TMEM106C: variants seen among roughly 807,000 people sequenced by gnomAD.
The protein encoded by TMEM106C is transmembrane protein 106C, also known as endoplasmic reticulum membrane protein overexpressed in cancer.
Under a neutral mutation model 30.8 loss-of-function variants are expected in TMEM106C, and 27 were observed. The observed-to-expected ratio is 0.88, with a 90% confidence interval of 0.65 to 1.21. The LOEUF (loss-of-function observed/expected upper bound fraction) is 1.21, where lower values mean the gene tolerates loss of function less well. TMEM106C is among the 50% of genes most tolerant of loss of function. The pLI is 0.00. For missense variants in TMEM106C, 288 were observed against 307.8 expected (o/e 0.94, Z 0.48); for synonymous variants, 123 against 118.8 (o/e 1.04, Z -0.23).
rs1565658805 is a variant in TMEM106C at position 47,966,672 on chromosome 12, C to G, written c.553-11C>G. 1 of 1,614,164 alleles carries G rather than the reference C, an allele frequency of 6.2e-7. No homozygotes were observed. The highest frequency in any genetic ancestry group is 1.7e-5 in the Admixed American group (1 of 60,024). ...CTTGGCCACAGACCAACTCTGGTAT[C>G]TTATTTTCAGGTGAATTTTACCGGG... On this transcript the variant is annotated splice_polypyrimidine_tract_variant and intron_variant, in intron 5 of 7. Transcript: ENST00000429772.
chr12:47,967,366 G>A, intron 7 of TMEM106C, 105 bp downstream of exon 7: 1 of 1,144,740 alleles, frequency 8.7e-7, no homozygotes, highest in Non-Finnish European at 1.3e-6. Flanking sequence ...CCTAGCCCGA[G>A]GGGACACCCT....
chr12:47,967,183 T>A, intron 6 of TMEM106C, 25 bp from the exon 7 acceptor site: 1 of 1,607,382 alleles, frequency 6.2e-7, no homozygotes, highest in African/African-American at 1.4e-5. Context: ...AAAAACTGAC[T>A]ATTTCCATAT....
intron 1 of TMEM106C, 124 bp downstream of exon 1, chr12:47,963,828 G>T (rs765619034): frequency 1.1e-3 from 283 of 258,548 alleles, no homozygotes; most frequent in Non-Finnish European, 1.8e-3. Context: ...AATGGGAATC[G>T]TTAAGGCCGG....
In TMEM106C at chr12:47,967,190, A is replaced by G. The variant is rs747574882; in HGVS notation, c.603-18A>G. The G allele has an allele frequency of 3.1e-5, 50 of 1,611,788 alleles. 1 individual carries two copies. In the South Asian group the frequency reaches 3.9e-4, roughly 12 times the overall value. On this transcript the variant is annotated intron_variant, in intron 6 of 7. Coordinates refer to ENST00000429772, the MANE Select transcript of TMEM106C (RefSeq NM_001143842.2). The stretch of plus-strand genomic sequence containing the variant: ...AAAAAAAAAAAAACTGACTATTTCC[A>G]TATTTGCTGTTTGGTAGCTTCTTCT...
chr12:47,964,536 C>A, intron 2 of TMEM106C, 113 bp downstream of exon 2: 1 of 977,954 alleles, frequency 1.0e-6, no homozygotes, highest in Non-Finnish European at 1.6e-6. Context: ...AGACAGTGCC[C>A]TGGACAGGAG....
intron 6 of TMEM106C, 149 bp downstream of exon 6, chr12:47,966,881 G>A (rs1938244943): frequency 2.6e-6 from 2 of 757,032 alleles, no homozygotes; most frequent in Non-Finnish European, 4.5e-6. Context: ...TTTATTTGAA[G>A]AATGTATTAT....
At chr12:47,966,891 T>G in intron 6 of TMEM106C, 159 bp downstream of exon 6, 1 of 705,674 alleles carries the variant, frequency 1.4e-6, no homozygotes, top group South Asian at 1.8e-5. Flanking sequence ...GAATGTATTA[T>G]TATTATGTGT....
At chr12:47,965,538 G>A (rs1938192503) in intron 3 of TMEM106C, 193 bp downstream of exon 3, 1 of 654,674 alleles carries the variant, frequency 1.5e-6, no homozygotes, top group Non-Finnish European at 2.6e-6. Context: ...AGCTGGAAAT[G>A]CTTTGAAGGT....
At chr12:47,965,579 G>A (rs1938193293) in intron 3 of TMEM106C, 1 of 651,660 alleles carries the variant, frequency 1.5e-6, no homozygotes, top group African/African-American at 1.8e-5. Context: ...AACTGGGAAA[G>A]TGGAGTGTTC....
intron 6 of TMEM106C, 45 bp from the exon 7 acceptor site, chr12:47,967,163 T>TAAAA (rs764460669): frequency 6.5e-7 from 1 of 1,534,330 alleles, no homozygotes; most frequent in Non-Finnish European, 8.9e-7. Flanking sequence ...TACTGAGGCT[T>TAAAA]TAAAAAAAAA....
Position 47,966,013 on chromosome 12 carries a change from T to G in TMEM106C, c.411+16T>G. ...CACCATCATGGTAAGCCTTAGGGTT[T>G]CATTCCCTGGGTTGTGCACCTGCCA... On this transcript the variant is annotated intron_variant, in intron 4 of 7. Coordinates refer to ENST00000429772, the MANE Select transcript of TMEM106C (RefSeq NM_001143842.2). 6.2e-7 allele frequency: 1 copy of G among 1,614,190 alleles called. No homozygotes were observed. The highest frequency in any genetic ancestry group is 8.5e-7 in the Non-Finnish European group (1 of 1,180,012).
In TMEM106C at chr12:47,964,287, G is replaced by T; in HGVS notation, c.51G>T (p.Lys17Asn). The T allele has an allele frequency of 6.2e-7, 1 of 1,614,098 alleles. No individual in the cohort carries two copies. The highest frequency in any genetic ancestry group is 1.7e-5 in the Admixed American group (1 of 60,000). ...AAARPSSCRR[K>N]QEDDRDGLLA... ...CTCGCCCCTCCTCCTGCAGGCGAAA[G>T]CAAGAAGATGACAGGGACGGTTTGC... The change falls in exon 2 of 8, where the codon AAG becomes AAT. Residue 17 changes from lysine to asparagine, a missense_variant. Lys to Asn is a moderately conservative substitution (Grantham distance 94, BLOSUM62 0). Coordinates refer to ENST00000429772, the MANE Select transcript of TMEM106C (RefSeq NM_001143842.2).
chr12:47,965,379 C>T (rs753401785), intron 3 of TMEM106C, 34 bp downstream of exon 3: 4 of 1,573,288 alleles, frequency 2.5e-6, no homozygotes, highest in African/African-American at 1.3e-5. Context: ...TTAATACCTA[C>T]TTCTGTCCCT....
intron 2 of TMEM106C, 72 bp downstream of exon 2, chr12:47,964,495 A>T: frequency 6.7e-7 from 1 of 1,498,922 alleles, no homozygotes; most frequent in Non-Finnish European, 9.2e-7. Flanking sequence ...TGCCCAGACA[A>T]CTTTTCTTCT....
At position 47,965,832 on chromosome 12, in the gene TMEM106C, T is replaced by C; in HGVS notation, c.252-6T>C. 2 of 1,614,184 alleles carry C rather than the reference T, an allele frequency of 1.2e-6. No individual in the cohort carries two copies. Among genetic ancestry groups the C allele is most frequent in the Non-Finnish European group, 1.7e-6 (2 of 1,180,012 alleles). ...CTGGGTCGGTCATGTGCTGTGTCAT[T>C]TGCAGTAAGCAATATGTCCTCCTGT... On this transcript the variant is annotated splice_region_variant and splice_polypyrimidine_tract_variant and intron_variant, in intron 3 of 7. Transcript: ENST00000429772.
chr12:47,964,427 A>G lies in TMEM106C; in HGVS notation c.187+4A>G, dbSNP rs763930869. On this transcript the variant is annotated splice_donor_region_variant and intron_variant, in intron 2 of 7. Coordinates refer to ENST00000429772, the MANE Select transcript of TMEM106C (RefSeq NM_001143842.2). ...GGGACAGGCTACATTCCAACAGGTG[A>G]TCATGGAGGGATGATTCCCTGATGA... 1.2e-6 allele frequency: 2 copies of G among 1,613,646 alleles called. No homozygotes were observed. The highest frequency in any genetic ancestry group is 3.3e-5 in the Admixed American group (2 of 59,962).
At chr12:47,965,741 T>C (rs1938196975) in intron 3 of TMEM106C, 97 bp from the exon 4 acceptor site, 2 of 1,477,446 alleles carry the variant, frequency 1.4e-6, no homozygotes, top group South Asian at 2.6e-5. Context: ...AACTTCCCTT[T>C]CAGCTCCCTT....
chr12:47,965,472 T>G (rs1480351572), intron 3 of TMEM106C, 127 bp downstream of exon 3: 1 of 914,698 alleles, frequency 1.1e-6, no homozygotes, highest in South Asian at 1.6e-5. Flanking sequence ...TCCTTATAAC[T>G]GTTTGCCCAA....
chr12:47,964,244 C>T lies in TMEM106C; in HGVS notation c.8C>T (p.Ser3Phe). 1 of 1,612,908 alleles carries T rather than the reference C, an allele frequency of 6.2e-7. No homozygotes were observed. The highest frequency in any genetic ancestry group is 8.5e-7 in the Non-Finnish European group (1 of 1,179,390). MG[S>F]QHSAAARPSS... The stretch of plus-strand genomic sequence containing the variant: ...CAGTGGCATATCACGGCCATGGGGT[C>T]TCAGCATTCCGCTGCTGCTCGCCCC... The change falls in exon 2 of 8, where the codon TCT becomes TTT. Residue 3 changes from serine (S) to phenylalanine (F), a missense_variant. Physicochemically the swap from Ser to Phe is radical, Grantham distance 155. Coordinates refer to ENST00000429772, the MANE Select transcript of TMEM106C (RefSeq NM_001143842.2).
Sources: gnomAD v4.1 joint callset for allele counts on GRCh38, gnomAD v4.1.1 for gene constraint, MANE v1.5 for transcripts, NCBI Gene and HGNC (gene_info 2026-07-23, HGNC 2026-07-21) for gene names.